ITGA9: variants seen among roughly 807,000 people sequenced by gnomAD.
The protein encoded by ITGA9 is integrin alpha-9.
ITGA9 carries 56 observed loss-of-function variants against 127.8 expected under a neutral mutation model. That is an observed-to-expected ratio of 0.44 (90% CI 0.35 to 0.55). The LOEUF (loss-of-function observed/expected upper bound fraction) is 0.55. ITGA9 is among the 20% of genes least tolerant of loss of function. ITGA9 has a pLI of 0.00. For synonymous variants in ITGA9, 508 were observed against 514.5 expected (o/e 0.99, Z 0.17); for missense variants, 1,196 against 1,347.1 (o/e 0.89, Z 1.76).
At chr3:37,793,309 C>T (rs142208726) in intron 26 of ITGA9, among the ~76,000 whole-genome samples, 2 of 151,724 alleles carry the variant, frequency 1.3e-5, no homozygotes, top group South Asian at 2.1e-4. Flanking sequence ...AAGGCTTTCA[C>T]TAGATGCTAG....
rs574405278 is a variant in ITGA9, at chr3:37,583,766, T to C, written c.1689+41181T>C. ...GTTGTGAGCATTATTGTAAGCAGCC[T>C]TAAATCCTGTTGGAACAAGGCTGGG... is the stretch of plus-strand genomic sequence containing the variant. On this transcript the variant is annotated intron_variant, in intron 15 of 27. Coordinates refer to ENST00000264741, the MANE Select transcript of ITGA9 (RefSeq NM_002207.3). Among the ~76,000 whole-genome samples the C allele has an allele frequency of 2.4e-4, 37 of 152,350 alleles. No individual in the cohort carries two copies. The South Asian group carries it at 7.7e-3, about 32-fold the overall frequency.
intron 18 of ITGA9, among the ~76,000 whole-genome samples, chr3:37,730,285 T>G (rs1559580913): frequency 6.6e-6 from 1 of 152,186 alleles, no homozygotes; most frequent in Admixed American, 6.5e-5. Flanking sequence ...CATCCAAGAC[T>G]TTGGCTTGCT....
intron 11 of ITGA9, among the ~76,000 whole-genome samples, chr3:37,519,627 A>G (rs1699024627): frequency 1.3e-5 from 2 of 152,276 alleles, no homozygotes; most frequent in African/African-American, 4.8e-5. Flanking sequence ...CATTTATTTA[A>G]GAAAGGAAAG....
intron 18 of ITGA9, among the ~76,000 whole-genome samples, chr3:37,693,385 G>C (rs1173731993): frequency 1.3e-5 from 2 of 152,164 alleles, no homozygotes; most frequent in African/African-American, 2.4e-5. Context: ...TAAAGCACCA[G>C]GTCAACTTTC....
intron 23 of ITGA9, among the ~76,000 whole-genome samples, chr3:37,764,372 A>C (rs1177756597): frequency 6.8e-6 from 1 of 147,922 alleles, no homozygotes; most frequent in South Asian, 2.1e-4. Flanking sequence ...CTGGTTTACT[A>C]TCTGAGAACT....
chr3:37,533,500 C>A, intron 14 of ITGA9, 32 bp downstream of exon 14: 1 of 1,610,038 alleles, frequency 6.2e-7, no homozygotes, highest in Non-Finnish European at 8.5e-7. Context: ...GCTCAGGATA[C>A]CCGTTTAGCT....
At chr3:37,596,952 A>T (rs1699876265) in intron 15 of ITGA9, among the ~76,000 whole-genome samples, 1 of 152,202 alleles carries the variant, frequency 6.6e-6, no homozygotes, top group Non-Finnish European at 1.5e-5. Context: ...ACCAGTTCCA[A>T]CTAGGTGTGG....
At chr3:37,734,198 G>C (rs1318460799) in intron 19 of ITGA9, among the ~76,000 whole-genome samples, 1 of 152,214 alleles carries the variant, frequency 6.6e-6, no homozygotes, top group Non-Finnish European at 1.5e-5. Context: ...ATAAGTGTCT[G>C]CCCTTGGAAA....
chr3:37,659,792 G>A (rs1365342775), intron 17 of ITGA9, among the ~76,000 whole-genome samples: 1 of 152,008 alleles, frequency 6.6e-6, no homozygotes, highest in African/African-American at 2.4e-5. Flanking sequence ...ACCTTTTTGT[G>A]CTAGTTTTTC....
chr3:37,761,864 T>C (rs942108841), intron 23 of ITGA9, among the ~76,000 whole-genome samples: 3 of 152,222 alleles, frequency 2.0e-5, no homozygotes, highest in Non-Finnish European at 4.4e-5. Context: ...AATTTACAGA[T>C]GCCATGGCAA....
At chr3:37,534,178 A>G (rs1040054621) in intron 14 of ITGA9, among the ~76,000 whole-genome samples, 7 of 152,226 alleles carry the variant, frequency 4.6e-5, no homozygotes, top group Admixed American at 3.9e-4. Context: ...AGCTTTATGC[A>G]TATTACTAGG....
At chr3:37,651,928 T>C (rs1309063767) in intron 16 of ITGA9, among the ~76,000 whole-genome samples, 1 of 152,092 alleles carries the variant, frequency 6.6e-6, no homozygotes, top group Non-Finnish European at 1.5e-5. Flanking sequence ...TTAGGTCACA[T>C]CCTGTTCTTC....
chr3:37,453,556 C>T (rs950462661), intron 1 of ITGA9, among the ~76,000 whole-genome samples: 5 of 152,128 alleles, frequency 3.3e-5, no homozygotes, highest in African/African-American at 9.7e-5. Context: ...AGTTAGGCTG[C>T]GGGAAGTTCC....
intron 23 of ITGA9, among the ~76,000 whole-genome samples, chr3:37,766,442 C>A (rs989754067): frequency 2.0e-5 from 3 of 152,180 alleles, no homozygotes; most frequent in Admixed American, 2.0e-4. Context: ...GGTGTATGTA[C>A]TCTCAGAAAA....
chr3:37,688,852 G>A (rs1208340020), intron 18 of ITGA9, among the ~76,000 whole-genome samples: 1 of 151,926 alleles, frequency 6.6e-6, no homozygotes, highest in Non-Finnish European at 1.5e-5. Context: ...GGTTAGATAG[G>A]TAGGTAGGTA....
intron 15 of ITGA9, among the ~76,000 whole-genome samples, chr3:37,593,024 C>T (rs1329541993): frequency 6.6e-6 from 1 of 151,986 alleles, no homozygotes; most frequent in Non-Finnish European, 1.5e-5. Flanking sequence ...TTAGAATAAC[C>T]AGGGGGAAAA....
chr3:37,548,537 T>G (rs2125593720), intron 15 of ITGA9, among the ~76,000 whole-genome samples: 1 of 152,276 alleles, frequency 6.6e-6, no homozygotes, highest in South Asian at 2.1e-4. Flanking sequence ...TTCCTGTTCT[T>G]TTTCAGTAGT....
intron 17 of ITGA9, among the ~76,000 whole-genome samples, chr3:37,665,522 T>C (rs952601277): frequency 3.9e-5 from 6 of 151,976 alleles, no homozygotes; most frequent in African/African-American, 1.5e-4. Flanking sequence ...CTATCTTGGC[T>C]CACTACAATT....
chr3:37,750,334 C>T, intron 22 of ITGA9, 128 bp from the exon 23 acceptor site: 1 of 692,068 alleles, frequency 1.4e-6, no homozygotes, highest in Non-Finnish European at 2.6e-6. Flanking sequence ...CAAGTTGTGA[C>T]CTTCCAGATC....
Sources: allele counts gnomAD v4.1 joint callset (sites outside exome capture counted in the v4.1 genomes callset), GRCh38; gene constraint gnomAD v4.1.1; transcripts MANE v1.5; gene names NCBI Gene and HGNC (gene_info 2026-07-23, HGNC 2026-07-21).